The following HSPG2 variants were observed in gnomAD, a reference collection of about 807,000 sequenced individuals.
HSPG2 encodes heparan sulfate proteoglycan 2, also known as basement membrane-specific heparan sulfate proteoglycan core protein.
Under a neutral mutation model 526.6 loss-of-function variants are expected in HSPG2, and 278 were observed. The observed-to-expected ratio is 0.53, with a 90% CI of 0.48 to 0.58. HSPG2 has a LOEUF of 0.58. HSPG2 is among the 20% of genes least tolerant of loss of function. The pLI is 0.00. For missense variants in HSPG2, 5,354 were observed against 6,099.5 expected, an observed-to-expected ratio of 0.88 and a Z score of 4.07; for synonymous variants, 2,465 against 2,555.4, an observed-to-expected ratio of 0.96 and a Z score of 1.07.
intron 1 of HSPG2, among the ~76,000 whole-genome samples, chr1:21,911,861 C>T (rs1053841236): frequency 1.3e-5 from 2 of 152,190 alleles, no homozygotes; most frequent in Non-Finnish European, 2.9e-5. Flanking sequence ...CTTTCCAGCC[C>T]GCTCCAGCCC....
chr1:21,919,823 T>C (rs1359329295), intron 1 of HSPG2, among the ~76,000 whole-genome samples: 1 of 152,232 alleles, frequency 6.6e-6, no homozygotes, highest in Non-Finnish European at 1.5e-5. Flanking sequence ...AAGGGATTAC[T>C]GCACACAGTA....
intron 3 of HSPG2, among the ~76,000 whole-genome samples, chr1:21,891,609 T>C (rs1452405802): frequency 1.3e-5 from 2 of 149,110 alleles, no homozygotes; most frequent in African/African-American, 5.1e-5. Flanking sequence ...TACACATGCA[T>C]CTGTTGTTTC....
At position 21,836,885 on chromosome 1, in the gene HSPG2, G is replaced by A. The variant is rs762130127; in HGVS notation, c.10272C>T (p.Pro3424=). 8.9e-6 allele frequency: 14 copies of A among 1,573,490 alleles called. No homozygotes were observed. Among genetic ancestry groups the A allele is most frequent in the African/African-American group, 1.4e-5 (1 of 73,970 alleles). Residue 3424 remains proline, a synonymous_variant, in exon 75 of 97, where the codon CCC becomes CCT. Transcript: ENST00000374695. The part of the protein sequence containing the change: ...GASVEFHCAV[P]SDRGTQLRWF... ...AACGGAGCTGGGTACCCCGGTCGCT[G>A]GGCACAGCACAGTGGAACTCAACGC...
In HSPG2 at chr1:21,872,854, A is replaced by C. The variant is rs999248128; in HGVS notation, c.3889-94T>G. 6.5e-7 allele frequency: 1 copy of C among 1,543,304 alleles called. No homozygotes were observed. Among genetic ancestry groups the C allele is most frequent in the Non-Finnish European group, 8.9e-7 (1 of 1,127,254 alleles). ...GCCAGCCTCCCTGGCCACTTCCAGCAGCCCCGGGCAGCCCCTGCCCTGTCC... is the reference window on the plus strand; with the variant it reads ...GCCAGCCTCCCTGGCCACTTCCAGCCGCCCCGGGCAGCCCCTGCCCTGTCC... On this transcript the variant is annotated intron_variant, in intron 31 of 96. Coordinates refer to ENST00000374695, the MANE Select transcript of HSPG2 (RefSeq NM_005529.7). This position sits in a 1 kb window ranked among gnomAD's most constrained non-coding sequence, Gnocchi z 5.5.
chr1:21,829,264 G>A (rs2097991240), intron 87 of HSPG2, 119 bp downstream of exon 87: 1 of 1,369,304 alleles, frequency 7.3e-7, no homozygotes, highest in East Asian at 2.4e-5. Flanking sequence ...AAATGCACAG[G>A]AAGAGGGGAC....
At chr1:21,915,545 C>A (rs1160966121) in intron 1 of HSPG2, among the ~76,000 whole-genome samples, 1 of 151,840 alleles carries the variant, frequency 6.6e-6, no homozygotes, top group Non-Finnish European at 1.5e-5. Context: ...GAGAGAGGAG[C>A]AGCAAGAAGA....
Position 21,848,762 on chromosome 1 carries a change from A to G in HSPG2, c.7618T>C (p.Ser2540Pro). ...QGVAYPVRIE[S>P]SSASLANGHT... ...CCATTGGCCAGGGAGGCTGAGGAGGACTCGATGCGGACGGGGTACGCCACA... is the reference window on the plus strand; with the variant it reads ...CCATTGGCCAGGGAGGCTGAGGAGGGCTCGATGCGGACGGGGTACGCCACA... The change falls in exon 59 of 97, where the codon TCC (serine) becomes CCC (proline). Residue 2540 changes from serine (S) to proline (P), a missense_variant. Coordinates refer to ENST00000374695, the MANE Select transcript of HSPG2 (RefSeq NM_005529.7). The surrounding 1 kb of genome is among the most constrained non-coding windows in gnomAD (Gnocchi z 4.9). The G allele has an allele frequency of 6.2e-7, 1 of 1,613,496 alleles. No homozygotes were observed. The highest frequency in any genetic ancestry group is 8.5e-7 in the Non-Finnish European group (1 of 1,179,892).
intron 66 of HSPG2, 139 bp from the exon 67 acceptor site, chr1:21,843,060 G>T: frequency 1.8e-6 from 2 of 1,088,686 alleles, no homozygotes; most frequent in South Asian, 2.9e-5. Flanking sequence ...CCTAAGAAGG[G>T]TCTCCTTTCC....
intron 1 of HSPG2, among the ~76,000 whole-genome samples, chr1:21,913,489 T>C (rs57804452): frequency 0.083 from 12,689 of 152,176 alleles, 1,337 homozygotes; most frequent in African/African-American, 0.23. Flanking sequence ...CCAGGGAACA[T>C]CCTGTCCACC....
chr1:21,908,091 C>G (rs565165266), intron 1 of HSPG2: 6 of 780,888 alleles, frequency 7.7e-6, no homozygotes, highest in Non-Finnish European at 1.4e-5. Flanking sequence ...TCCAGTAATT[C>G]GCCAAAATGA....
At position 21,880,684 on chromosome 1, in the gene HSPG2, A is replaced by G. The variant is rs762408205; in HGVS notation, c.1970T>C (p.Leu657Pro). ...AGAGAACTGGACCTGGCGCTGGTTC[A>G]GAGCACCAGGTTGGGTGGGTGTGTG... ...RGHTPTQPGA[L>P]NQRQVQFSEE... is the part of the protein sequence containing the mutation. The change falls in exon 15 of 97, where the codon CTG (leucine) becomes CCG (proline). Residue 657 changes from leucine to proline, a missense_variant. Physicochemically the swap from Leu to Pro is moderately conservative, Grantham distance 98. Coordinates refer to ENST00000374695, the MANE Select transcript of HSPG2 (RefSeq NM_005529.7). 25 of 1,599,326 alleles carry G rather than the reference A, an allele frequency of 1.6e-5. No individual in the cohort carries two copies. The Admixed American group carries it at 4.0e-4, about 26-fold the overall frequency.
chr1:21,862,068 A>G lies in HSPG2; in HGVS notation c.4788T>C (p.Pro1596=). ...CGGCTGTGGCATCTCCGTAGTAGCC[A>G]GGGGCACAAAGCTCGCAGAACTCCC... ...AAGEFCELCA[P]GYYGDATAGT... The change falls in exon 38 of 97, where the codon CCT becomes CCC. Residue 1596 remains proline (P), a synonymous_variant. Coordinates refer to ENST00000374695, the MANE Select transcript of HSPG2 (RefSeq NM_005529.7). 2 of 1,614,080 alleles carry G rather than the reference A, an allele frequency of 1.2e-6. No individual in the cohort carries two copies. Among genetic ancestry groups the G allele is most frequent in the Non-Finnish European group, 1.7e-6 (2 of 1,180,018 alleles).
chr1:21,930,029 A>C (rs1440954311), intron 1 of HSPG2, among the ~76,000 whole-genome samples: 4 of 152,046 alleles, frequency 2.6e-5, no homozygotes, highest in Admixed American at 6.5e-5. Context: ...CGCAAATCCA[A>C]GGTCCTTCCC....
At chr1:21,921,712 G>A (rs528692004) in intron 1 of HSPG2, among the ~76,000 whole-genome samples, 3 of 152,188 alleles carry the variant, frequency 2.0e-5, no homozygotes, top group Non-Finnish European at 4.4e-5. Flanking sequence ...CCCAGCATCC[G>A]CTCCTCCCTA....
rs773660844 is a variant in HSPG2, at chr1:21,824,158, T to A, written c.12862A>T (p.Ile4288Phe). The change falls in exon 95 of 97, where the codon ATC (isoleucine) becomes TTC (phenylalanine). Residue 4288 changes from isoleucine to phenylalanine, a missense_variant. Transcript: ENST00000374695. This position sits in a 1 kb window ranked among gnomAD's most constrained non-coding sequence, Gnocchi z 5.9. The stretch of plus-strand genomic sequence containing the variant: ...ACCCGGTGCCACTCGCCGTCATTGA[T>A]GGGGTCCTCAGAGACCAGGCGGGCC... Reference protein sequence around the residue: ...GEARLVSEDPINDGEWHRVTA... With the variant: ...GEARLVSEDPFNDGEWHRVTA... 1 of 1,613,550 alleles carries A rather than the reference T, an allele frequency of 6.2e-7. No homozygotes were observed. The highest frequency in any genetic ancestry group is 1.3e-5 in the African/African-American group (1 of 74,906).
chr1:21,886,362 T>C (rs1399740780), intron 9 of HSPG2, among the ~76,000 whole-genome samples: 2 of 52,366 alleles, frequency 3.8e-5, no homozygotes, highest in African/African-American at 7.0e-5. Flanking sequence ...GTCTGTGGCA[T>C]GGTGCAGCCT....
In HSPG2 at chr1:21,904,553, G is replaced by A. The variant is rs938832055; in HGVS notation, c.64-8243C>T. Among the ~76,000 whole-genome samples, 4 of 152,124 alleles carry A rather than the reference G, an allele frequency of 2.6e-5. No individual in the cohort carries two copies. Among genetic ancestry groups the A allele is most frequent in the East Asian group, 1.9e-4 (1 of 5,192 alleles). ...CCCCAGAGTCCCTGCACTCTCCTCC[G>A]TCCCCCACAGACACCCCAAGATTAG... On this transcript the variant is annotated intron_variant, in intron 1 of 96. Coordinates refer to ENST00000374695, the MANE Select transcript of HSPG2 (RefSeq NM_005529.7). The surrounding 1 kb of genome is among the most constrained non-coding windows in gnomAD (Gnocchi z 4.4).
chr1:21,872,311 G>T lies in HSPG2; in HGVS notation c.4096C>A (p.Arg1366Ser). 6.3e-7 allele frequency: 1 copy of T among 1,575,064 alleles called. No homozygotes were observed. Among genetic ancestry groups the T allele is most frequent in the Non-Finnish European group, 8.6e-7 (1 of 1,160,142 alleles). ...TCCACAGTGAATTCTCCTGTCAGGC[G>T]GCTGTTTCGCTGTGGGTTCACCAGG... ...FALVNPQRNS[R>S]LTGEFTVEPV... The change falls in exon 33 of 97, where the codon CGC (arginine) becomes AGC (serine). Residue 1366 changes from arginine to serine, a missense_variant. Transcript: ENST00000374695. The surrounding 1 kb of genome is among the most constrained non-coding windows in gnomAD (Gnocchi z 5.5).
At chr1:21,878,961 C>A in intron 18 of HSPG2, 33 bp downstream of exon 18, 8 of 1,607,420 alleles carry the variant, frequency 5.0e-6, no homozygotes, top group Non-Finnish European at 6.8e-6. Context: ...CTGTCCCCAG[C>A]CAAACCCCCC....
Sources: gnomAD v4.1 joint callset for allele counts (sites outside exome capture counted in the v4.1 genomes callset) on GRCh38, gnomAD v4.1.1 for gene constraint, Gnocchi (gnomAD v3.1) non-coding constraint, MANE v1.5 for transcripts, NCBI Gene and HGNC (gene_info 2026-07-23, HGNC 2026-07-21) for gene names.